Variants in FGF12 observed in about 807,000 individuals in gnomAD.
The protein encoded by FGF12 is fibroblast growth factor 12.
In FGF12, 14 loss-of-function variants were observed where a neutral mutation model predicts 23.6. The ratio of observed to expected loss-of-function variants is 0.59; its 90% CI spans 0.39 to 0.93. The LOEUF (loss-of-function observed/expected upper bound fraction) is 0.93. Ranked by LOEUF, FGF12 falls within the 40% of genes least tolerant of loss-of-function variation. The probability of loss-of-function intolerance (pLI) is 0.00; values close to 1 mark genes in which losing one functional copy is unlikely to be tolerated. For synonymous variants in FGF12, 62 were observed against 77.3 expected (o/e 0.80, Z 1.04); for missense variants, 175 against 217.8 (o/e 0.80, Z 1.24).
At chr3:192,666,242 T>C (rs985837422) in intron 2 of FGF12, among the ~76,000 whole-genome samples, 2 of 152,230 alleles carry the variant, frequency 1.3e-5, no homozygotes, top group African/African-American at 4.8e-5. Flanking sequence ...TCAACTCAGT[T>C]TTATATAGCT....
At chr3:192,590,025 A>T (rs1713554903) in intron 2 of FGF12, among the ~76,000 whole-genome samples, 1 of 151,796 alleles carries the variant, frequency 6.6e-6, no homozygotes, top group African/African-American at 2.4e-5. Flanking sequence ...TGATCTTGGG[A>T]GATTTTTTTT....
At chr3:192,322,466 A>T (rs959839213) in intron 4 of FGF12, among the ~76,000 whole-genome samples, 1 of 151,030 alleles carries the variant, frequency 6.6e-6, no homozygotes, top group African/African-American at 2.4e-5. Context: ...AGAAAAAAAT[A>T]ATCCTAAAAT....
rs548821686 is a variant in FGF12, at chr3:192,398,109, C to A, written c.14-37571G>T. 9.2e-5 allele frequency among the ~76,000 whole-genome samples: 14 copies of A among 152,132 alleles called. 1 individual carries two copies. In the South Asian group the frequency reaches 2.9e-3, roughly 32 times the overall value. ...TGCACACAGCACACTGATTTAATTT[C>A]TAATCCTTGAAGAGACAAAATAAGC... On this transcript the variant is annotated intron_variant, in intron 2 of 5. Transcript: ENST00000445105.
At chr3:192,404,185 G>A (rs1227290892) in intron 2 of FGF12, among the ~76,000 whole-genome samples, 1 of 152,058 alleles carries the variant, frequency 6.6e-6, no homozygotes, top group African/African-American at 2.4e-5. Context: ...CTGGTTTGAG[G>A]TAAGAAACTA....
chr3:192,182,038 A>T (rs749297736), intron 4 of FGF12, among the ~76,000 whole-genome samples: 7 of 152,222 alleles, frequency 4.6e-5, no homozygotes, highest in Non-Finnish European at 8.8e-5. Flanking sequence ...AAAACCCAAT[A>T]AAAATTTAAG....
chr3:192,180,094 T>C (rs1716090083), intron 4 of FGF12, among the ~76,000 whole-genome samples: 1 of 152,140 alleles, frequency 6.6e-6, no homozygotes, highest in Non-Finnish European at 1.5e-5. Flanking sequence ...TGGTCATCTA[T>C]ATATAGAGAA....
chr3:192,348,862 G>T (rs1307718376), intron 3 of FGF12, among the ~76,000 whole-genome samples: 1 of 152,028 alleles, frequency 6.6e-6, no homozygotes, highest in African/African-American at 2.4e-5. Flanking sequence ...CTTTTATAGG[G>T]TTATCACAAG....
chr3:192,561,803 T>A (rs562317741), intron 2 of FGF12, among the ~76,000 whole-genome samples: 1 of 152,172 alleles, frequency 6.6e-6, no homozygotes, highest in East Asian at 1.9e-4. Context: ...TGTTTCCCAG[T>A]TCATTATAAA....
chr3:192,296,301 G>A (rs1715038987), intron 4 of FGF12, among the ~76,000 whole-genome samples: 1 of 150,624 alleles, frequency 6.6e-6, no homozygotes, highest in Admixed American at 6.6e-5. Context: ...ATGGCTCACT[G>A]CAGCCTTGAC....
chr3:192,256,702 A>T lies in FGF12; in HGVS notation c.228+78659T>A, dbSNP rs150370454. On this transcript the variant is annotated intron_variant, in intron 4 of 5. Transcript: ENST00000445105. Reference sequence around the variant, plus strand: ...ATTCCTTAGGCAACAGCATAAAAATAGTAAAGTAGGTTTTAAAAGTCTTAT... The same window carrying T: ...ATTCCTTAGGCAACAGCATAAAAATTGTAAAGTAGGTTTTAAAAGTCTTAT... 7.5e-3 allele frequency among the ~76,000 whole-genome samples: 1,144 copies of T among 152,292 alleles called. 13 individuals are homozygous for T. Among genetic ancestry groups the T allele is most frequent in the African/African-American group, 0.026 (1,097 of 41,590 alleles).
intron 2 of FGF12, among the ~76,000 whole-genome samples, chr3:192,704,869 A>G (rs555113141): frequency 3.3e-5 from 5 of 152,336 alleles, no homozygotes; most frequent in African/African-American, 1.2e-4. Context: ...CTTGTGCACT[A>G]TGTTACAAAG....
At chr3:192,602,261 A>C (rs1714145404) in intron 2 of FGF12, among the ~76,000 whole-genome samples, 1 of 152,150 alleles carries the variant, frequency 6.6e-6, no homozygotes, top group African/African-American at 2.4e-5. Context: ...AAAATGGCTC[A>C]AAACATAAAG....
intron 4 of FGF12, among the ~76,000 whole-genome samples, chr3:192,303,194 G>A (rs1326576512): frequency 6.6e-6 from 1 of 152,066 alleles, no homozygotes; most frequent in Admixed American, 6.6e-5. Flanking sequence ...GCATGAATAT[G>A]GTCTGTCAGC....
rs73889326 is a variant in FGF12, at chr3:192,421,022, G to C, written c.14-60484C>G. Among the ~76,000 whole-genome samples the C allele has an allele frequency of 3.2e-3, 494 of 152,240 alleles. 1 individual carries two copies. The highest frequency in any genetic ancestry group is 9.8e-3 in the African/African-American group (408 of 41,554). On this transcript the variant is annotated intron_variant, in intron 2 of 5. Transcript: ENST00000445105. ...TAAAATGCTACAAAACACAATGAAGGGGGTGGAGAGATATTCGACGAGAAT... is the reference window on the plus strand; with the variant it reads ...TAAAATGCTACAAAACACAATGAAGCGGGTGGAGAGATATTCGACGAGAAT...
chr3:192,450,083 T>C (rs1265537208), intron 2 of FGF12, among the ~76,000 whole-genome samples: 1 of 152,138 alleles, frequency 6.6e-6, no homozygotes, highest in Non-Finnish European at 1.5e-5. Flanking sequence ...TTCAAGATGA[T>C]GAAATCCAAG....
intron 1 of FGF12, 24 bp from the exon 2 acceptor site, chr3:192,727,347 C>G (rs1719253039): frequency 6.5e-7 from 1 of 1,532,316 alleles, no homozygotes; most frequent in Non-Finnish European, 8.8e-7. Flanking sequence ...TTTCTTAAAC[C>G]TTGAAGCTGC....
intron 2 of FGF12, among the ~76,000 whole-genome samples, chr3:192,471,176 C>T (rs1723163088): frequency 6.6e-6 from 1 of 152,160 alleles, no homozygotes; most frequent in Non-Finnish European, 1.5e-5. Context: ...AAACATCATA[C>T]TCGCTCAGGT....
At chr3:192,522,654 C>T (rs931227269) in intron 2 of FGF12, among the ~76,000 whole-genome samples, 28 of 152,098 alleles carry the variant, frequency 1.8e-4, no homozygotes, top group African/African-American at 6.5e-4. Context: ...ACAAAGTAGT[C>T]GGTACAACAT....
chr3:192,595,980 C>T (rs957601878), intron 2 of FGF12, among the ~76,000 whole-genome samples: 1 of 151,402 alleles, frequency 6.6e-6, no homozygotes, highest in African/African-American at 2.4e-5. Context: ...GTAGTCCCAG[C>T]TACTTGGGAG....
Sources: allele counts gnomAD v4.1 joint callset (sites outside exome capture counted in the v4.1 genomes callset), GRCh38; gene constraint gnomAD v4.1.1; transcripts MANE v1.5; gene names NCBI Gene and HGNC (gene_info 2026-07-23, HGNC 2026-07-21).